The following RPTOR variants were observed in gnomAD, a reference collection of about 807,000 sequenced individuals.
RPTOR encodes the protein regulatory-associated protein of mTOR.
RPTOR carries 21 observed loss-of-function variants against 169.9 expected under a neutral mutation model. That is an observed-to-expected ratio of 0.12 (90% CI 0.09 to 0.18). RPTOR has a LOEUF of 0.18. RPTOR is among the 10% of genes least tolerant of loss of function. The pLI is 1.00. For missense variants in RPTOR, 1,133 were observed against 1,855.9 expected, an observed-to-expected ratio of 0.61 and a Z score of 7.16; for synonymous variants, 732 against 753.2, an observed-to-expected ratio of 0.97 and a Z score of 0.46.
At chr17:80,753,506 G>A (rs1163888919) in intron 5 of RPTOR, among the ~76,000 whole-genome samples, 3 of 151,380 alleles carry the variant, frequency 2.0e-5, no homozygotes, top group South Asian at 2.1e-4. Context: ...GGTGGCGTGC[G>A]CCTGTAGTCC....
At chr17:80,662,256 GC>G (rs1450361879) in intron 3 of RPTOR, among the ~76,000 whole-genome samples, 1 of 152,162 alleles carries the variant, frequency 6.6e-6, no homozygotes, top group Non-Finnish European at 1.5e-5. Context: ...GGCTAGTTTT[GC>G]CCATGGAACT....
intron 1 of RPTOR, among the ~76,000 whole-genome samples, chr17:80,590,849 A>AT (rs1344128301): frequency 6.7e-6 from 1 of 149,028 alleles, no homozygotes; most frequent in African/African-American, 2.5e-5. Flanking sequence ...GTGTTTTTCT[A>AT]TTTTTTTTCT....
At position 80,850,720 on chromosome 17, in the gene RPTOR, G is replaced by A. The variant is rs562788382; in HGVS notation, c.1314+4146G>A. The stretch of plus-strand genomic sequence containing the variant: ...ATGTGGGGTCTGAAAGTACAGGATT[G>A]TTATCAGGTGACAGCAGAATGACAA... On this transcript the variant is annotated intron_variant, in intron 11 of 33. Coordinates refer to ENST00000306801, the MANE Select transcript of RPTOR (RefSeq NM_020761.3). Among the ~76,000 whole-genome samples the A allele has an allele frequency of 2.2e-4, 34 of 152,334 alleles. No homozygotes were observed. The Middle Eastern group carries it at 0.014, about 61-fold the overall frequency.
chr17:80,557,339 G>A (rs996158736), intron 1 of RPTOR, among the ~76,000 whole-genome samples: 3 of 152,008 alleles, frequency 2.0e-5, no homozygotes, highest in African/African-American at 7.2e-5. Context: ...GGTCAACATG[G>A]TGAAACACCC....
chr17:80,682,115 C>CG (rs1555606432), intron 3 of RPTOR, among the ~76,000 whole-genome samples: 36 of 62,962 alleles, frequency 5.7e-4, no homozygotes, highest in East Asian at 3.4e-3. Flanking sequence ...GGTCCCCCCC[C>CG]CCACCCCAAA....
At chr17:80,720,072 C>T (rs995106184) in intron 4 of RPTOR, among the ~76,000 whole-genome samples, 2 of 152,018 alleles carry the variant, frequency 1.3e-5, no homozygotes, top group African/African-American at 2.4e-5. Context: ...GAGGCCGAGG[C>T]GGGCGGATCA....
rs12950348 is a variant in RPTOR, at chr17:80,743,711, T to A, written c.655-10299T>A. ...CTAGCACAGCCCTGGCTACTAGCAC[T>A]GTCCTGGCTACGAGCACAGCCCTGG... On this transcript the variant is annotated intron_variant, in intron 5 of 33. Coordinates refer to ENST00000306801, the MANE Select transcript of RPTOR (RefSeq NM_020761.3). 8.0e-3 allele frequency among the ~76,000 whole-genome samples: 555 copies of A among 69,798 alleles called. 17 individuals are homozygous for A. The highest frequency in any genetic ancestry group is 0.021 in the Middle Eastern group (2 of 94). The allele number at this position is 69,798 out of a possible 152,430, so 45.8% of individuals were successfully genotyped here. A position where few individuals can be genotyped will look rare whatever the true frequency, so the allele number is the denominator to read the frequency against.
intron 1 of RPTOR, among the ~76,000 whole-genome samples, chr17:80,623,080 T>G (rs1320099964): frequency 6.6e-6 from 1 of 152,224 alleles, no homozygotes. Context: ...AGCATCATTC[T>G]GAACAATGAA....
chr17:80,644,789 C>G (rs1381285040), intron 3 of RPTOR, among the ~76,000 whole-genome samples: 2 of 152,134 alleles, frequency 1.3e-5, no homozygotes, highest in Non-Finnish European at 2.9e-5. Flanking sequence ...TGAATTTTTT[C>G]CTGCCTTTAA....
intron 1 of RPTOR, among the ~76,000 whole-genome samples, chr17:80,616,559 C>T (rs1272452427): frequency 2.0e-5 from 3 of 152,114 alleles, no homozygotes; most frequent in Non-Finnish European, 2.9e-5. Flanking sequence ...GGCCTCCCGA[C>T]GTGCAGGGAT....
At chr17:80,964,204 C>G (rs1449604472) in intron 33 of RPTOR, 58 bp from the exon 34 acceptor site, 2 of 1,231,556 alleles carry the variant, frequency 1.6e-6, no homozygotes, top group East Asian at 4.6e-5. Flanking sequence ...CGCCCCCCCG[C>G]CCCCCGCAGT....
At chr17:80,958,812 C>T (rs2069294192) in intron 29 of RPTOR, among the ~76,000 whole-genome samples, 1 of 152,228 alleles carries the variant, frequency 6.6e-6, no homozygotes, top group Non-Finnish European at 1.5e-5. Context: ...GTGGTAGAGA[C>T]CTAAGCAGGC....
intron 3 of RPTOR, among the ~76,000 whole-genome samples, chr17:80,692,017 C>T (rs548775420): frequency 1.3e-3 from 204 of 152,346 alleles, no homozygotes; most frequent in African/African-American, 4.6e-3. Flanking sequence ...GCCACTGACG[C>T]GGTTACTGAG....
chr17:80,575,418 A>G (rs755489037), intron 1 of RPTOR, among the ~76,000 whole-genome samples: 4 of 152,118 alleles, frequency 2.6e-5, no homozygotes, highest in Admixed American at 6.5e-5. Flanking sequence ...TTTATTTTTG[A>G]TTTCTTAATT....
chr17:80,679,008 G>A (rs2065879416), intron 3 of RPTOR, among the ~76,000 whole-genome samples: 1 of 152,240 alleles, frequency 6.6e-6, no homozygotes. Flanking sequence ...CTCTTCACAA[G>A]AAGTGGCCTC....
At chr17:80,896,814 G>C (rs2068411899) in intron 20 of RPTOR, among the ~76,000 whole-genome samples, 1 of 152,208 alleles carries the variant, frequency 6.6e-6, no homozygotes, top group Non-Finnish European at 1.5e-5. Context: ...TCCTGCTCCT[G>C]AACAGGGTGT....
At chr17:80,776,343 G>C (rs1198328736) in intron 6 of RPTOR, among the ~76,000 whole-genome samples, 1 of 71,602 alleles carries the variant, frequency 1.4e-5, no homozygotes, top group Non-Finnish European at 2.5e-5. Flanking sequence ...TTTTTTTTGA[G>C]ATGGAGTCTC....
At chr17:80,833,116 G>GC (rs11395060) in intron 9 of RPTOR, among the ~76,000 whole-genome samples, 135,302 of 152,226 alleles carry the variant, frequency 0.89, 60,354 homozygotes, top group African/African-American at 0.96. Flanking sequence ...CGGGGCGGGC[G>GC]CGCTCTGACT....
chr17:80,703,829 A>T (rs1387289435), intron 3 of RPTOR, among the ~76,000 whole-genome samples: 1 of 152,236 alleles, frequency 6.6e-6, no homozygotes, highest in African/African-American at 2.4e-5. Flanking sequence ...AAGCACTTTC[A>T]TTAAAAATGC....
Sources: gnomAD v4.1 joint callset for allele counts (sites outside exome capture counted in the v4.1 genomes callset) on GRCh38, gnomAD v4.1.1 for gene constraint, MANE v1.5 for transcripts, NCBI Gene and HGNC (gene_info 2026-07-23, HGNC 2026-07-21) for gene names.